ADAMTS9: variants seen among roughly 807,000 people sequenced by gnomAD.
The protein encoded by ADAMTS9 is A disintegrin and metalloproteinase with thrombospondin motifs 9.
ADAMTS9 carries 107 observed loss-of-function variants against 257.1 expected under a neutral mutation model. The ratio of observed to expected loss-of-function variants is 0.42; its 90% CI spans 0.36 to 0.49. ADAMTS9 has a LOEUF of 0.49. Ranked by LOEUF, ADAMTS9 falls within the 20% of genes least tolerant of loss-of-function variation. The pLI is 0.03. For missense variants in ADAMTS9, 2,353 were observed against 2,469.1 expected, an observed-to-expected ratio of 0.95 and a Z score of 1.00; for synonymous variants, 982 against 880.9, an observed-to-expected ratio of 1.11 and a Z score of -2.03.
chr3:64,577,782 G>A (rs892095815), intron 28 of ADAMTS9, among the ~76,000 whole-genome samples: 1 of 152,218 alleles, frequency 6.6e-6, no homozygotes, highest in Non-Finnish European at 1.5e-5. Flanking sequence ...TGCTTCTGTA[G>A]AGAAGTGATC....
At chr3:64,649,817 G>A in intron 9 of ADAMTS9, 39 bp from the exon 10 acceptor site, 5 of 1,586,532 alleles carry the variant, frequency 3.2e-6, no homozygotes, top group Non-Finnish European at 4.3e-6. Flanking sequence ...GGTGAGAACG[G>A]TGGCTGTCAA....
At chr3:64,542,976 C>A (rs1437793000) in intron 32 of ADAMTS9, among the ~76,000 whole-genome samples, 1 of 151,976 alleles carries the variant, frequency 6.6e-6, no homozygotes, top group Non-Finnish European at 1.5e-5. Context: ...CATCAGAGAA[C>A]ACTATAAACA....
rs2106809015 is a variant in ADAMTS9 at position 64,601,928 on chromosome 3, T to G, written c.4017+16A>C. On this transcript the variant is annotated intron_variant, in intron 26 of 39. Coordinates refer to ENST00000498707, the MANE Select transcript of ADAMTS9 (RefSeq NM_182920.2). ...TCAAGTGAAAGAGAAGCAAGCAAAC[T>G]TCAGGGAATACTCACTGCTCCCCAG... 1 of 1,576,004 alleles carries G rather than the reference T, an allele frequency of 6.3e-7. No individual in the cohort carries two copies. Among genetic ancestry groups the G allele is most frequent in the South Asian group, 1.2e-5 (1 of 84,566 alleles).
intron 18 of ADAMTS9, among the ~76,000 whole-genome samples, chr3:64,621,849 G>T (rs1457735033): frequency 2.6e-5 from 4 of 151,308 alleles, no homozygotes; most frequent in Non-Finnish European, 5.9e-5. Context: ...TGGCCTGCTG[G>T]CTGTGGTTTG....
intron 16 of ADAMTS9, among the ~76,000 whole-genome samples, chr3:64,625,908 T>C (rs2106875274): frequency 6.6e-6 from 1 of 152,268 alleles, no homozygotes; most frequent in East Asian, 1.9e-4. Flanking sequence ...AAACCTAAAT[T>C]TCAAGTCCTG....
chr3:64,615,026 C>A, intron 21 of ADAMTS9: 1 of 279,174 alleles, frequency 3.6e-6, no homozygotes, highest in Non-Finnish European at 6.6e-6. Context: ...AGTGACTTAG[C>A]TAGGGCTCAA....
At chr3:64,638,431 C>T (rs1261493364) in intron 12 of ADAMTS9, among the ~76,000 whole-genome samples, 4 of 152,106 alleles carry the variant, frequency 2.6e-5, no homozygotes, top group Non-Finnish European at 4.4e-5. Flanking sequence ...CTATTACACA[C>T]GTCTTATAGG....
intron 10 of ADAMTS9, among the ~76,000 whole-genome samples, chr3:64,649,119 A>T (rs1415033697): frequency 1.3e-5 from 2 of 152,084 alleles, no homozygotes; most frequent in Non-Finnish European, 2.9e-5. Context: ...ATGCAGCAAA[A>T]CTATCACACA....
At chr3:64,665,994 G>C (rs1198035486) in intron 3 of ADAMTS9, among the ~76,000 whole-genome samples, 1 of 152,120 alleles carries the variant, frequency 6.6e-6, no homozygotes, top group Non-Finnish European at 1.5e-5. Context: ...TACTGGGCTA[G>C]ATAAGTTGAA....
chr3:64,534,371 T>C (rs2083020099), intron 37 of ADAMTS9, among the ~76,000 whole-genome samples: 2 of 152,218 alleles, frequency 1.3e-5, no homozygotes, highest in Non-Finnish European at 1.5e-5. Context: ...TGGCGCTTAG[T>C]AGATATGCAA....
intron 2 of ADAMTS9, among the ~76,000 whole-genome samples, chr3:64,684,228 A>G (rs1291297495): frequency 6.6e-6 from 1 of 152,194 alleles, no homozygotes; most frequent in African/African-American, 2.4e-5. Flanking sequence ...GATCGAGGAG[A>G]AAGACTGGAG....
intron 12 of ADAMTS9, among the ~76,000 whole-genome samples, chr3:64,641,411 C>T (rs1393163434): frequency 6.6e-6 from 1 of 151,216 alleles, no homozygotes; most frequent in African/African-American, 2.4e-5. Flanking sequence ...TGCTGGTGTG[C>T]TGCACCCATT....
At chr3:64,609,259 G>A (rs149544848) in intron 22 of ADAMTS9, among the ~76,000 whole-genome samples, 2 of 152,154 alleles carry the variant, frequency 1.3e-5, no homozygotes, top group East Asian at 3.9e-4. Context: ...CATTGTACTG[G>A]AAGTTCTAGC....
At position 64,687,684 on chromosome 3, in the gene ADAMTS9, C is replaced by A. The variant is rs759286552; in HGVS notation, c.-27G>T. ...GTGCTTCCCACCCCTCCCTCCGCTG[C>A]CCCCACCCCCCTCCCTCCTGCCCTC... On this transcript the variant is annotated 5_prime_UTR_variant, in exon 1 of 40. Coordinates refer to ENST00000498707, the MANE Select transcript of ADAMTS9 (RefSeq NM_182920.2). The surrounding 1 kb of genome is among the most constrained non-coding windows in gnomAD (Gnocchi z 4.4). 5.0e-6 allele frequency: 7 copies of A among 1,412,280 alleles called. No individual in the cohort carries two copies. In the South Asian group the frequency reaches 9.2e-5, roughly 19 times the overall value. 87.5% of individuals were successfully genotyped at this position (1,412,280 alleles called of 1,614,324 possible).
At chr3:64,568,347 T>C (rs759998953) in intron 29 of ADAMTS9, 21 bp downstream of exon 29, 1 of 1,600,072 alleles carries the variant, frequency 6.2e-7, no homozygotes, top group Non-Finnish European at 8.5e-7. Context: ...AAGCAGTCAG[T>C]AGAGGAGAAG....
At chr3:64,531,302 T>C (rs1443050979) in intron 38 of ADAMTS9, among the ~76,000 whole-genome samples, 1 of 152,150 alleles carries the variant, frequency 6.6e-6, no homozygotes, top group Non-Finnish European at 1.5e-5. Context: ...TAGTCTTATT[T>C]TGATTAGGTA....
At chr3:64,569,000 A>C in intron 28 of ADAMTS9, 1 of 158,504 alleles carries the variant, frequency 6.3e-6, no homozygotes, top group Non-Finnish European at 1.4e-5. Flanking sequence ...TCCAGAGGAT[A>C]AGCTCTCGTT....
chr3:64,625,353 T>A (rs1331413882), intron 16 of ADAMTS9, among the ~76,000 whole-genome samples: 2 of 152,160 alleles, frequency 1.3e-5, no homozygotes, highest in South Asian at 2.1e-4. Flanking sequence ...AGGTGACACA[T>A]TATCTTTCAC....
At chr3:64,678,106 T>G (rs1701667353) in intron 3 of ADAMTS9, among the ~76,000 whole-genome samples, 1 of 152,232 alleles carries the variant, frequency 6.6e-6, no homozygotes, top group Non-Finnish European at 1.5e-5. Context: ...ACTAAAGGGT[T>G]ACACTGAGCT....
Sources: allele counts gnomAD v4.1 joint callset (sites outside exome capture counted in the v4.1 genomes callset), GRCh38; gene constraint gnomAD v4.1.1; non-coding constraint Gnocchi (gnomAD v3.1); transcripts MANE v1.5; gene names NCBI Gene and HGNC (gene_info 2026-07-23, HGNC 2026-07-21).